The following KCNQ1OT1 variants were observed in gnomAD, a reference collection of about 807,000 sequenced individuals.
KCNQ1OT1 encodes KCNQ1 antisense RNA 2 (non-protein coding).
chr11:2,656,628 T>C, exon 1 of KCNQ1OT1: 3 of 398,666 alleles, frequency 7.5e-6, no homozygotes, highest in Non-Finnish European at 1.3e-5. Context: ...TTAAGTCATT[T>C]ATATTTTTCC....
exon 1 of KCNQ1OT1, chr11:2,684,786 C>T (rs1850455567): frequency 2.5e-6 from 1 of 398,632 alleles, no homozygotes; most frequent in Non-Finnish European, 4.4e-6. Context: ...CCTTCCCTCC[C>T]CACTGGTCTG....
In KCNQ1OT1 at chr11:2,671,360, T is replaced by A. The variant is rs936176047; in HGVS notation, n.28635A>T. On this transcript the variant is annotated non_coding_transcript_exon_variant, in exon 1 of 1. Transcript: ENST00000597346. This position sits in a 1 kb window ranked among gnomAD's most constrained non-coding sequence, Gnocchi z 4.7. ...CCCTCTGAAGATGACACTGGGAATA[T>A]CCTGAAAAAGGTACAGGAACACCTG... is the stretch of plus-strand genomic sequence containing the variant. The A allele has an allele frequency of 1.0e-5, 4 of 398,396 alleles. No homozygotes were observed. The highest frequency in any genetic ancestry group is 6.2e-5 in the African/African-American group (3 of 48,580). The allele number at this position is 398,396 out of a possible 1,614,324, so 24.7% of individuals were successfully genotyped here.
At chr11:2,697,425 C>G (rs776217177) in exon 1 of KCNQ1OT1, 3 of 398,552 alleles carry the variant, frequency 7.5e-6, no homozygotes, top group Non-Finnish European at 1.3e-5. Context: ...CATCCTTGGC[C>G]TACTCCTTAT....
chr11:2,664,468 C>A lies in KCNQ1OT1; in HGVS notation n.35527G>T. Reference sequence around the variant, plus strand: ...CTCTGGGATACAGGCTGGGTAGAGGCCCCACTCCATCTGGGGGAGAAGGCT... The same window carrying A: ...CTCTGGGATACAGGCTGGGTAGAGGACCCACTCCATCTGGGGGAGAAGGCT... On this transcript the variant is annotated non_coding_transcript_exon_variant, in exon 1 of 1. Transcript: ENST00000597346. This position sits in a 1 kb window ranked among gnomAD's most constrained non-coding sequence, Gnocchi z 5.1. The A allele has an allele frequency of 2.5e-6, 1 of 398,718 alleles. No homozygotes were observed. The highest frequency in any genetic ancestry group is 4.4e-6 in the Non-Finnish European group (1 of 226,158). The allele number at this position is 398,718 out of a possible 1,614,324, so 24.7% of individuals were successfully genotyped here.
exon 1 of KCNQ1OT1, chr11:2,672,983 G>T (rs1308657882): frequency 7.5e-6 from 3 of 398,642 alleles, no homozygotes; most frequent in Admixed American, 4.4e-5. Context: ...TGCAGGCCTT[G>T]CCTAAAGGAG....
rs1849263185 is a variant in KCNQ1OT1 at position 2,626,422 on chromosome 11, A to G, written n.73573T>C. 7.5e-6 allele frequency: 3 copies of G among 398,600 alleles called. No individual in the cohort carries two copies. In the East Asian group the frequency reaches 1.1e-4, roughly 14 times the overall value. 24.7% of individuals were successfully genotyped at this position (398,600 alleles called of 1,614,324 possible). On this transcript the variant is annotated non_coding_transcript_exon_variant, in exon 1 of 1. Coordinates refer to ENST00000597346, the Ensembl canonical transcript of KCNQ1OT1. The surrounding 1 kb of genome is among the most constrained non-coding windows in gnomAD (Gnocchi z 4.0). ...TGGCACTCTTCTCAGGAATCATTTGATCATGTATACAAGGGTTTATTTTTG... is the reference window on the plus strand; with the variant it reads ...TGGCACTCTTCTCAGGAATCATTTGGTCATGTATACAAGGGTTTATTTTTG...
At chr11:2,632,785 T>G (rs1849382199) in exon 1 of KCNQ1OT1, 1 of 398,452 alleles carries the variant, frequency 2.5e-6, no homozygotes, top group Non-Finnish European at 4.4e-6. Flanking sequence ...AATATTCCAT[T>G]GTGTATACAT....
exon 1 of KCNQ1OT1, chr11:2,699,611 C>T (rs574874429): frequency 9.7e-5 from 34 of 349,884 alleles, no homozygotes; most frequent in African/African-American, 3.9e-4. Context: ...GAGAGGCCCC[C>T]GGAGAGAACC....
exon 1 of KCNQ1OT1, chr11:2,694,663 C>A: frequency 2.5e-6 from 1 of 398,562 alleles, no homozygotes; most frequent in Admixed American, 4.4e-5. Flanking sequence ...CCACCATGTG[C>A]GGACCCTATA....
In KCNQ1OT1 at chr11:2,645,159, A is replaced by G. The variant is rs949287186; in HGVS notation, n.54836T>C. Reference sequence around the variant, plus strand: ...TGGCAGAACAATCTTCTGCCTCCCAAGGTGTCCATGCTGGTATTGGGATGG... The same window carrying G: ...TGGCAGAACAATCTTCTGCCTCCCAGGGTGTCCATGCTGGTATTGGGATGG... On this transcript the variant is annotated non_coding_transcript_exon_variant, in exon 1 of 1. Transcript: ENST00000597346. The surrounding 1 kb of genome is among the most constrained non-coding windows in gnomAD (Gnocchi z 5.8). 2 of 398,674 alleles carry G rather than the reference A, an allele frequency of 5.0e-6. No individual in the cohort carries two copies. The highest frequency in any genetic ancestry group is 7.1e-5 in the East Asian group (2 of 28,080). The allele number at this position is 398,674 out of a possible 1,614,324, so 24.7% of individuals were successfully genotyped here. A position where few individuals can be genotyped will look rare whatever the true frequency, so the allele number is the denominator to read the frequency against.
rs1383548691 is a variant in KCNQ1OT1, at chr11:2,674,131, C to T, written n.25864G>A. 1.8e-5 allele frequency: 7 copies of T among 398,522 alleles called. No homozygotes were observed. Among genetic ancestry groups the T allele is most frequent in the Non-Finnish European group, 3.1e-5 (7 of 226,148 alleles). The allele number at this position is 398,522 out of a possible 1,614,324, so 24.7% of individuals were successfully genotyped here. A position where few individuals can be genotyped will look rare whatever the true frequency, so the allele number is the denominator to read the frequency against. On this transcript the variant is annotated non_coding_transcript_exon_variant, in exon 1 of 1. Coordinates refer to ENST00000597346, the Ensembl canonical transcript of KCNQ1OT1. The surrounding 1 kb of genome is among the most constrained non-coding windows in gnomAD (Gnocchi z 5.9). ...GGTGTGGAAGCTGGTTTGCCGGGGCCACCCAGTGTGGGCTCAGGAAGGGAA... is the reference window on the plus strand; with the variant it reads ...GGTGTGGAAGCTGGTTTGCCGGGGCTACCCAGTGTGGGCTCAGGAAGGGAA...
Position 2,687,743 on chromosome 11 carries a change from G to A in KCNQ1OT1, n.12252C>T, listed in dbSNP as rs879055284. On this transcript the variant is annotated non_coding_transcript_exon_variant, in exon 1 of 1. Coordinates refer to ENST00000597346, the Ensembl canonical transcript of KCNQ1OT1. This position sits in a 1 kb window ranked among gnomAD's most constrained non-coding sequence, Gnocchi z 5.0. ...CAAGCCAGTAACCAGCAAATCATGG[G>A]GAGACTGAGAAGAGGAGCCCCTTAG... The A allele has an allele frequency of 7.5e-6, 3 of 398,694 alleles. No individual in the cohort carries two copies. The Admixed American group carries it at 1.3e-4, about 18-fold the overall frequency. 24.7% of individuals were successfully genotyped at this position (398,694 alleles called of 1,614,324 possible).
In KCNQ1OT1 at chr11:2,674,553, C is replaced by G. The variant is rs1215647040; in HGVS notation, n.25442G>C. 1 of 398,550 alleles carries G rather than the reference C, an allele frequency of 2.5e-6. No homozygotes were observed. Among genetic ancestry groups the G allele is most frequent in the African/African-American group, 2.1e-5 (1 of 48,730 alleles). 24.7% of individuals were successfully genotyped at this position (398,550 alleles called of 1,614,324 possible). ...ATTCGGAGGATTTAGACAAATACCT[C>G]GAGTGAGTGAATCTGAAGCATGCTA... On this transcript the variant is annotated non_coding_transcript_exon_variant, in exon 1 of 1. Coordinates refer to ENST00000597346, the Ensembl canonical transcript of KCNQ1OT1. This position sits in a 1 kb window ranked among gnomAD's most constrained non-coding sequence, Gnocchi z 5.9.
exon 1 of KCNQ1OT1, chr11:2,638,300 C>T (rs1202578119): frequency 6.6e-6 from 1 of 152,204 alleles, no homozygotes; most frequent in Non-Finnish European, 1.5e-5. Context: ...CATGTTTTTG[C>T]AGTGGCTGGT....
chr11:2,633,433 T>C (rs1039542949), exon 1 of KCNQ1OT1: 1 of 398,594 alleles, frequency 2.5e-6, no homozygotes, highest in Non-Finnish European at 4.4e-6. Flanking sequence ...GTCTTACCCA[T>C]AAAATCTTCG....
Position 2,647,623 on chromosome 11 carries a change from A to G in KCNQ1OT1, n.52372T>C, listed in dbSNP as rs1849686400. The G allele has an allele frequency of 2.5e-6, 1 of 398,376 alleles. No individual in the cohort carries two copies. Among genetic ancestry groups the G allele is most frequent in the African/African-American group, 2.1e-5 (1 of 48,602 alleles). 24.7% of individuals were successfully genotyped at this position (398,376 alleles called of 1,614,324 possible). A position where few individuals can be genotyped will look rare whatever the true frequency, so the allele number is the denominator to read the frequency against. ...TAGAATTCAGTAGAAAACCCGTGCA[A>G]TCCTGAGGTTTTCTTTACTGGGAGA... On this transcript the variant is annotated non_coding_transcript_exon_variant, in exon 1 of 1. Coordinates refer to ENST00000597346, the Ensembl canonical transcript of KCNQ1OT1. The surrounding 1 kb of genome is among the most constrained non-coding windows in gnomAD (Gnocchi z 4.0).
chr11:2,658,821 CTT>C lies in KCNQ1OT1; in HGVS notation n.41172_41173del, dbSNP rs1849898858. 4.0e-5 allele frequency: 16 copies of C among 398,436 alleles called. No homozygotes were observed. Among genetic ancestry groups the C allele is most frequent in the Non-Finnish European group, 6.6e-5 (15 of 226,076 alleles). 24.7% of individuals were successfully genotyped at this position (398,436 alleles called of 1,614,324 possible). On this transcript the variant is annotated non_coding_transcript_exon_variant, in exon 1 of 1. Coordinates refer to ENST00000597346, the Ensembl canonical transcript of KCNQ1OT1. The surrounding 1 kb of genome is among the most constrained non-coding windows in gnomAD (Gnocchi z 4.9). ...CCCCTCCCCCACAACTTATTTATAGCTTTTTCTCTGACAGCTAGAAACCTGGC... is the reference window on the plus strand; with the variant it reads ...CCCCTCCCCCACAACTTATTTATAGCTTTCTCTGACAGCTAGAAACCTGGC...
rs1207195691 is a variant in KCNQ1OT1 at position 2,642,785 on chromosome 11, A to G, written n.57210T>C. ...ATTTAAGATCTTTTCTACCTTTTTT[A>G]ATGGAGGCATTTATTACAATAAACT... is the stretch of plus-strand genomic sequence containing the variant. On this transcript the variant is annotated non_coding_transcript_exon_variant, in exon 1 of 1. Coordinates refer to ENST00000597346, the Ensembl canonical transcript of KCNQ1OT1. The surrounding 1 kb of genome is among the most constrained non-coding windows in gnomAD (Gnocchi z 4.3). 1 of 397,506 alleles carries G rather than the reference A, an allele frequency of 2.5e-6. No homozygotes were observed. Among genetic ancestry groups the G allele is most frequent in the Non-Finnish European group, 4.4e-6 (1 of 225,606 alleles). 24.6% of individuals were successfully genotyped at this position (397,506 alleles called of 1,614,324 possible).
chr11:2,652,843 G>T lies in KCNQ1OT1; in HGVS notation n.47152C>A. ...TCCGTTCACTCTGAGATTTGTGTAT[G>T]CTGAGGCTTGCTATACTTATTCTAA... is the stretch of plus-strand genomic sequence containing the variant. On this transcript the variant is annotated non_coding_transcript_exon_variant, in exon 1 of 1. Transcript: ENST00000597346. This position sits in a 1 kb window ranked among gnomAD's most constrained non-coding sequence, Gnocchi z 5.9. 2.5e-6 allele frequency: 1 copy of T among 398,780 alleles called. No homozygotes were observed. Among genetic ancestry groups the T allele is most frequent in the South Asian group, 1.3e-4 (1 of 7,864 alleles). 24.7% of individuals were successfully genotyped at this position (398,780 alleles called of 1,614,324 possible). A position where few individuals can be genotyped will look rare whatever the true frequency, so the allele number is the denominator to read the frequency against.
Sources: allele counts gnomAD v4.1 joint callset, GRCh38; gene constraint gnomAD v4.1.1; non-coding constraint Gnocchi (gnomAD v3.1); transcripts MANE v1.5; gene names NCBI Gene and HGNC (gene_info 2026-07-23, HGNC 2026-07-21).